Variants in FAM32A observed in about 807,000 individuals in gnomAD.
FAM32A encodes family with sequence similarity 32 member A.
A neutral mutation model predicts 15.8 loss-of-function variants in FAM32A; 9 were observed. The ratio of observed to expected loss-of-function variants is 0.57; its 90% CI spans 0.34 to 1.00. The LOEUF (loss-of-function observed/expected upper bound fraction) is 1.00, where lower values mean the gene tolerates loss of function less well. FAM32A is among the 50% of genes least tolerant of loss of function. The pLI is 0.02. For synonymous variants in FAM32A, 64 were observed against 54.9 expected, an observed-to-expected ratio of 1.16 and a Z score of -0.73; for missense variants, 113 against 138.3, an observed-to-expected ratio of 0.82 and a Z score of 0.92.
chr19:16,185,630 GA>G lies in FAM32A; in HGVS notation c.86del (p.Lys29ArgfsTer50). ...AELGVTKRKK[K>X]KKDKDKAKLL... ...TCCTCATGTCTTTTTCCAGGAAGAA[GA>G]AAAAGAAGGACAAAGACAAAGCGAA... On this transcript the variant is annotated frameshift_variant, in exon 2 of 4. Transcript: ENST00000263384. LOFTEE classifies it high-confidence loss of function. The G allele has an allele frequency of 1.2e-6, 2 of 1,600,034 alleles. No individual in the cohort carries two copies. The highest frequency in any genetic ancestry group is 1.7e-6 in the Non-Finnish European group (2 of 1,173,014).
chr19:16,186,597 A>AT (rs2091386923), intron 2 of FAM32A: 1 of 152,244 alleles, frequency 6.6e-6, no homozygotes. Context: ...GGCCATGCCC[A>AT]TGACGACTTT....
At position 16,185,422 on chromosome 19, in the gene FAM32A, A is replaced by T; in HGVS notation, c.-21A>T. The T allele has an allele frequency of 1.3e-6, 2 of 1,548,126 alleles. No individual in the cohort carries two copies. Among genetic ancestry groups the T allele is most frequent in the Non-Finnish European group, 1.7e-6 (2 of 1,143,214 alleles). Reference sequence around the variant, plus strand: ...AAACAGGAAGTGTGGCACTCCAGCTACCGAAGCACTGGAGAGTGTCATGGA... The same window carrying T: ...AAACAGGAAGTGTGGCACTCCAGCTTCCGAAGCACTGGAGAGTGTCATGGA... On this transcript the variant is annotated 5_prime_UTR_variant, in exon 1 of 4. Coordinates refer to ENST00000263384, the MANE Select transcript of FAM32A (RefSeq NM_014077.4).
In FAM32A at chr19:16,185,442, C is replaced by A; in HGVS notation, c.-1C>A. The A allele has an allele frequency of 6.4e-7, 1 of 1,556,498 alleles. No individual in the cohort carries two copies. The highest frequency in any genetic ancestry group is 1.2e-5 in the South Asian group (1 of 84,370). On this transcript the variant is annotated 5_prime_UTR_variant, in exon 1 of 4. Coordinates refer to ENST00000263384, the MANE Select transcript of FAM32A (RefSeq NM_014077.4). The stretch of plus-strand genomic sequence containing the variant: ...CAGCTACCGAAGCACTGGAGAGTGT[C>A]ATGGAGGCCTACGAGCAGGTCCAAA...
In FAM32A at chr19:16,190,567, A is replaced by G. The variant is rs1215591510; in HGVS notation, c.264A>G (p.Arg88=). ...AGGCATCCAAAACCCACAAGCAGAG[A>G]GTGGAGGTGAGTCGCCGTGTCCAGT... ...LKKASKTHKQ[R]VEDFNRHLDT... Residue 88 remains arginine (R), a synonymous_variant, in exon 3 of 4, where the codon AGA becomes AGG. Coordinates refer to ENST00000263384, the MANE Select transcript of FAM32A (RefSeq NM_014077.4). The G allele has an allele frequency of 2.5e-6, 4 of 1,612,586 alleles. No individual in the cohort carries two copies. Among genetic ancestry groups the G allele is most frequent in the Non-Finnish European group, 3.4e-6 (4 of 1,179,006 alleles).
At chr19:16,187,777 G>A (rs535414853) in intron 2 of FAM32A, among the ~76,000 whole-genome samples, 2 of 143,372 alleles carry the variant, frequency 1.4e-5, no homozygotes, top group South Asian at 2.2e-4. Context: ...AAAAAGCCTC[G>A]CTCTGTTGTC....
intron 1 of FAM32A, 47 bp from the exon 2 acceptor site, chr19:16,185,577 C>A: frequency 6.3e-7 from 1 of 1,589,338 alleles, no homozygotes; most frequent in Admixed American, 1.8e-5. Flanking sequence ...TCTCGGGACC[C>A]CTGGCCCTGA....
At chr19:16,187,624 T>TC (rs1320653743) in intron 2 of FAM32A, 1 of 150,186 alleles carries the variant, frequency 6.7e-6, no homozygotes, top group African/African-American at 2.5e-5. Context: ...AATTTTTTTG[T>TC]ATTTTTAGTA....
At chr19:16,190,712 G>C in intron 3 of FAM32A, 139 bp downstream of exon 3, 1 of 855,206 alleles carries the variant, frequency 1.2e-6, no homozygotes, top group Non-Finnish European at 1.9e-6. Context: ...CTTCCCCAGG[G>C]TTATTCAAAG....
rs766123731 is a variant in FAM32A at position 16,190,949 on chromosome 19, G to A, written c.333G>A (p.Thr111=). 14 of 1,613,788 alleles carry A rather than the reference G, an allele frequency of 8.7e-6. No individual in the cohort carries two copies. The highest frequency in any genetic ancestry group is 7.7e-5 in the South Asian group (7 of 91,086). Residue 111 remains threonine, a synonymous_variant, in exon 4 of 4, where the codon ACG becomes ACA. Coordinates refer to ENST00000263384, the MANE Select transcript of FAM32A (RefSeq NM_014077.4). ...EHYDIPKVSW[T]K ...ACGACATTCCCAAAGTCAGCTGGAC[G>A]AAGTAGCCGCCTGCCCCCAGTATGG... is the stretch of plus-strand genomic sequence containing the variant.
intron 2 of FAM32A, chr19:16,189,555 TAGGC>T (rs1421732795): frequency 6.6e-6 from 1 of 151,544 alleles, no homozygotes; most frequent in African/African-American, 2.4e-5. Context: ...GGATGAATCA[TAGGC>T]AGCACAGTTA....
At chr19:16,188,315 C>T (rs285237) in intron 2 of FAM32A, among the ~76,000 whole-genome samples, 25,532 of 152,102 alleles carry the variant, frequency 0.17, 3,800 homozygotes, top group African/African-American at 0.38. Context: ...AGACTTTGGG[C>T]TGGGCAGTTT....
At chr19:16,190,035 G>C (rs963943664) in intron 2 of FAM32A, among the ~76,000 whole-genome samples, 6 of 152,148 alleles carry the variant, frequency 3.9e-5, no homozygotes, top group African/African-American at 1.4e-4. Flanking sequence ...GTGAGGATCA[G>C]AGCAGGTCAT....
At chr19:16,187,484 T>C (rs2091390311) in intron 2 of FAM32A, 1 of 150,792 alleles carries the variant, frequency 6.6e-6, no homozygotes, top group Admixed American at 6.6e-5. Flanking sequence ...AGTCTGGCTC[T>C]GTCACCGAGG....
rs71178652 is a variant in FAM32A at position 16,189,668 on chromosome 19, CTTTTTT to C, written c.217-831_217-826del. On this transcript the variant is annotated intron_variant, in intron 2 of 3. Coordinates refer to ENST00000263384, the MANE Select transcript of FAM32A (RefSeq NM_014077.4). ...TGGCTTTATATCCCACACTCCAACTCTTTTTTTTTTTTTTTTTTTTTTTTTTGACAG... is the reference window on the plus strand; with the variant it reads ...TGGCTTTATATCCCACACTCCAACTCTTTTTTTTTTTTTTTTTTTTGACAG... 6.8e-4 allele frequency among the ~76,000 whole-genome samples: 40 copies of C among 58,576 alleles called. 1 individual carries two copies. The South Asian group carries it at 0.016, about 24-fold the overall frequency. 38.4% of individuals were successfully genotyped at this position (58,576 alleles called of 152,430 possible). A position where few individuals can be genotyped will look rare whatever the true frequency, so the allele number is the denominator to read the frequency against.
intron 2 of FAM32A, chr19:16,186,266 C>A (rs2091385638): frequency 6.5e-6 from 1 of 154,924 alleles, no homozygotes; most frequent in Non-Finnish European, 1.4e-5. Flanking sequence ...AAGTTTGTTT[C>A]CAAGACAACT....
intron 3 of FAM32A, 134 bp from the exon 4 acceptor site, chr19:16,190,753 C>G: frequency 1.1e-6 from 1 of 897,046 alleles, no homozygotes; most frequent in Non-Finnish European, 1.8e-6. Flanking sequence ...TCTGTAAGAC[C>G]TGGCAGGGTG....
Position 16,191,173 on chromosome 19 carries a change from T to C in FAM32A, c.*218T>C. On this transcript the variant is annotated 3_prime_UTR_variant, in exon 4 of 4. Coordinates refer to ENST00000263384, the MANE Select transcript of FAM32A (RefSeq NM_014077.4). The stretch of plus-strand genomic sequence containing the variant: ...AGGCTTCTTGGCAACATACAGAAGA[T>C]ACACCCTTTTCGTTTGGATGGAAAG... 7.2e-6 allele frequency: 4 copies of C among 554,796 alleles called. No individual in the cohort carries two copies. In the South Asian group the frequency reaches 8.1e-5, roughly 11 times the overall value. 34.4% of individuals were successfully genotyped at this position (554,796 alleles called of 1,614,324 possible). A position where few individuals can be genotyped will look rare whatever the true frequency, so the allele number is the denominator to read the frequency against.
chr19:16,190,489 A>G (rs1220436354), intron 2 of FAM32A, 31 bp from the exon 3 acceptor site: 2 of 1,556,722 alleles, frequency 1.3e-6, no homozygotes, highest in Non-Finnish European at 1.8e-6. Flanking sequence ...TTGAGCCTGT[A>G]AACTCACCTC....
In FAM32A at chr19:16,188,665, CA is replaced by C. The variant is rs371245733; in HGVS notation, c.217-1853del. Among the ~76,000 whole-genome samples the C allele has an allele frequency of 1.2e-3, 179 of 152,322 alleles. 1 individual carries two copies. Among genetic ancestry groups the C allele is most frequent in the African/African-American group, 4.0e-3 (167 of 41,574 alleles). The stretch of plus-strand genomic sequence containing the variant: ...TGCCTGGCATTGTGTGGCAGCTGGA[CA>C]AGTCAGTGTGGCTTCTCACAGGGAG... On this transcript the variant is annotated intron_variant, in intron 2 of 3. Transcript: ENST00000263384.
Sources: allele counts gnomAD v4.1 joint callset (sites outside exome capture counted in the v4.1 genomes callset), GRCh38; gene constraint gnomAD v4.1.1; transcripts MANE v1.5; gene names NCBI Gene and HGNC (gene_info 2026-07-23, HGNC 2026-07-21).